Variants in USHBP1 observed in about 807,000 individuals in gnomAD.
The protein encoded by USHBP1 is USH1 protein network component harmonin binding protein 1.
In USHBP1, 67 loss-of-function variants were observed where a neutral mutation model predicts 76.2. The observed-to-expected ratio is 0.88, with a 90% CI of 0.72 to 1.08. The LOEUF is 1.08. Among genes scored for constraint, USHBP1 ranks in the 50% least tolerant of loss-of-function variants. The probability of loss-of-function intolerance (pLI) is 0.00; values close to 1 mark genes in which losing one functional copy is unlikely to be tolerated. For synonymous variants in USHBP1, 322 were observed against 362.2 expected, an observed-to-expected ratio of 0.89 and a Z score of 1.26; for missense variants, 931 against 915.0, an observed-to-expected ratio of 1.02 and a Z score of -0.23.
At position 17,259,718 on chromosome 19, in the gene USHBP1, C is replaced by T. The variant is rs1315344779; in HGVS notation, c.783G>A (p.Leu261=). 3.7e-6 allele frequency: 6 copies of T among 1,611,780 alleles called. No homozygotes were observed. Among genetic ancestry groups the T allele is most frequent in the Non-Finnish European group, 5.1e-6 (6 of 1,179,096 alleles). The change falls in exon 6 of 13, where the codon CTG becomes CTA. Residue 261 remains leucine (L), a synonymous_variant. Coordinates refer to ENST00000252597, the MANE Select transcript of USHBP1 (RefSeq NM_031941.4). The part of the protein sequence containing the change: ...EPWETQDSFS[L]AHPLLRRLRS... ...GGAGGCGCCGAAGCAGGGGGTGAGC[C>T]AGGGAGAAGGAGTCCTGCCAAGAAG...
At chr19:17,253,769 C>G (rs990909355) in intron 10 of USHBP1, among the ~76,000 whole-genome samples, 1 of 149,612 alleles carries the variant, frequency 6.7e-6, no homozygotes, top group Non-Finnish European at 1.5e-5. Context: ...TGGTGCACGC[C>G]TGTAATTCCA....
Position 17,251,909 on chromosome 19 carries a change from A to G in USHBP1, c.1799+2T>C, listed in dbSNP as rs1301736870. ...CGCACAGCCCAGGACCCAGGCACAC[A>G]CCTGGTGAGCGATGCTGCCAGTTCC... On this transcript the variant is annotated splice_donor_variant, in intron 11 of 12. Transcript: ENST00000252597. LOFTEE classifies it high-confidence loss of function. The G allele has an allele frequency of 6.5e-6, 10 of 1,539,970 alleles. No individual in the cohort carries two copies. Among genetic ancestry groups the G allele is most frequent in the Non-Finnish European group, 8.7e-6 (10 of 1,144,958 alleles).
chr19:17,250,373 T>C lies in USHBP1; in HGVS notation c.1964A>G (p.Glu655Gly). 6.2e-7 allele frequency: 1 copy of C among 1,613,708 alleles called. No individual in the cohort carries two copies. Among genetic ancestry groups the C allele is most frequent in the South Asian group, 1.1e-5 (1 of 91,080 alleles). The change falls in exon 13 of 13, where the codon GAA becomes GGA. Residue 655 changes from glutamate to glycine, a missense_variant. Physicochemically the swap from Glu to Gly is moderately conservative, Grantham distance 98. Coordinates refer to ENST00000252597, the MANE Select transcript of USHBP1 (RefSeq NM_031941.4). Reference sequence around the variant, plus strand: ...CTGCTCCAACTTCCGGCGTTGCTCTTCCTGCTTCCGGTGGGCTCCTCGGAA... The same window carrying C: ...CTGCTCCAACTTCCGGCGTTGCTCTCCCTGCTTCCGGTGGGCTCCTCGGAA... ...LAFRGAHRKQ[E>G]EQRRKLEQQM...
At chr19:17,261,522 G>A (rs200302157) in intron 4 of USHBP1, among the ~76,000 whole-genome samples, 2 of 151,524 alleles carry the variant, frequency 1.3e-5, no homozygotes, top group East Asian at 3.9e-4. Flanking sequence ...TTTTAGTAGA[G>A]ACGGGTTTTC....
At chr19:17,264,183 C>T (rs2073725270) in intron 2 of USHBP1, 33 bp from the exon 3 acceptor site, 1 of 1,611,806 alleles carries the variant, frequency 6.2e-7, no homozygotes, top group South Asian at 1.1e-5. Flanking sequence ...TGCTCTGAGC[C>T]AGGCAGGACA....
At chr19:17,253,359 G>A (rs1440116989) in intron 10 of USHBP1, among the ~76,000 whole-genome samples, 1 of 147,624 alleles carries the variant, frequency 6.8e-6, no homozygotes, top group Non-Finnish European at 1.5e-5. Flanking sequence ...CGCAATCTCG[G>A]CTCACTGCAA....
At chr19:17,257,187 ATTTTTTTT>A (rs1172967071) in intron 8 of USHBP1, among the ~76,000 whole-genome samples, 1 of 131,526 alleles carries the variant, frequency 7.6e-6, no homozygotes, top group Admixed American at 7.6e-5. Context: ...CGCCCGGCTA[ATTTTTTTT>A]TTTTTTTTTG....
In USHBP1 at chr19:17,254,860, G is replaced by T. The variant is rs74513324; in HGVS notation, c.1692+525C>A. 8.9e-3 allele frequency among the ~76,000 whole-genome samples: 1,348 copies of T among 152,038 alleles called. 19 individuals are homozygous for T. The highest frequency in any genetic ancestry group is 0.03 in the African/African-American group (1,244 of 41,494). On this transcript the variant is annotated intron_variant, in intron 10 of 12. Coordinates refer to ENST00000252597, the MANE Select transcript of USHBP1 (RefSeq NM_031941.4). ...ACTCCAGGAGGGCTTCCTTGAGGAG[G>T]TGATGTCTAAGCTGAGATCTACAGG...
intron 7 of USHBP1, 46 bp downstream of exon 7, chr19:17,259,243 C>T (rs1368855101): frequency 1.9e-6 from 3 of 1,556,000 alleles, no homozygotes; most frequent in Non-Finnish European, 1.7e-6. Flanking sequence ...CCTCAGAAAG[C>T]CCACTCCCTC....
chr19:17,259,254 C>T, intron 7 of USHBP1, 35 bp downstream of exon 7: 1 of 1,569,002 alleles, frequency 6.4e-7, no homozygotes, highest in East Asian at 2.3e-5. Flanking sequence ...CCACTCCCTC[C>T]CCAGCTGGTG....
chr19:17,250,185 A>G lies in USHBP1; in HGVS notation c.*40T>C. On this transcript the variant is annotated 3_prime_UTR_variant, in exon 13 of 13. Transcript: ENST00000252597. ...ACTCCAGGACAGTTTATGACATGCC[A>G]CAGCTGTCTGGCATGTCCAGACATG... The G allele has an allele frequency of 7.7e-6, 12 of 1,565,496 alleles. No homozygotes were observed. The highest frequency in any genetic ancestry group is 1.0e-5 in the Non-Finnish European group (12 of 1,155,854).
rs1384563549 is a variant in USHBP1 at position 17,260,883 on chromosome 19, C to A, written c.643-861G>T. Among the ~76,000 whole-genome samples the A allele has an allele frequency of 2.0e-5, 3 of 152,190 alleles. No homozygotes were observed. The East Asian group carries it at 5.8e-4, about 29-fold the overall frequency. On this transcript the variant is annotated intron_variant, in intron 4 of 12. Transcript: ENST00000252597. ...TCCCAAAGCCTGAAGTTGTCCTTGACTTCTCTCTAGCCTTCACGCTCACAC... is the reference window on the plus strand; with the variant it reads ...TCCCAAAGCCTGAAGTTGTCCTTGAATTCTCTCTAGCCTTCACGCTCACAC...
At chr19:17,251,009 C>T (rs1364694073) in intron 12 of USHBP1, among the ~76,000 whole-genome samples, 9 of 152,006 alleles carry the variant, frequency 5.9e-5, no homozygotes, top group South Asian at 2.1e-4. Context: ...CACAGGCATG[C>T]GCCACCACGC....
intron 7 of USHBP1, 79 bp from the exon 8 acceptor site, chr19:17,258,464 T>A: frequency 6.6e-7 from 1 of 1,510,308 alleles, no homozygotes; most frequent in Non-Finnish European, 8.9e-7. Flanking sequence ...GTCCCAGCAC[T>A]TTGGGAGGCT....
chr19:17,258,032 C>T (rs1446172557), intron 8 of USHBP1, among the ~76,000 whole-genome samples, 180 bp downstream of exon 8: 1 of 152,168 alleles, frequency 6.6e-6, no homozygotes, highest in Non-Finnish European at 1.5e-5. Context: ...CCAACTTTGT[C>T]AAGTAGCAAC....
At chr19:17,263,826 A>T in intron 3 of USHBP1, 176 bp downstream of exon 3, 2 of 808,984 alleles carry the variant, frequency 2.5e-6, no homozygotes, top group Non-Finnish European at 3.6e-6. Flanking sequence ...AGATTGTGCC[A>T]CTGCACTGCA....
intron 4 of USHBP1, among the ~76,000 whole-genome samples, chr19:17,261,146 C>T (rs764211441): frequency 1.3e-5 from 2 of 152,046 alleles, no homozygotes; most frequent in African/African-American, 2.4e-5. Context: ...CCTTGCAGCC[C>T]ACGAGGCCCT....
chr19:17,261,280 T>C (rs935718105), intron 4 of USHBP1, among the ~76,000 whole-genome samples: 1 of 151,740 alleles, frequency 6.6e-6, no homozygotes, highest in Non-Finnish European at 1.5e-5. Context: ...ATGCTGCCAC[T>C]CCAGGGCCTA....
At chr19:17,255,169 G>A (rs2073602110) in intron 10 of USHBP1, among the ~76,000 whole-genome samples, 1 of 151,998 alleles carries the variant, frequency 6.6e-6, no homozygotes. Context: ...GTGCGTGTCT[G>A]TAATCCCAGC....
Sources: allele counts gnomAD v4.1 joint callset (sites outside exome capture counted in the v4.1 genomes callset), GRCh38; gene constraint gnomAD v4.1.1; transcripts MANE v1.5; gene names NCBI Gene and HGNC (gene_info 2026-07-23, HGNC 2026-07-21).